Variants in SORCS1 observed in about 807,000 individuals in gnomAD.
The protein encoded by SORCS1 is VPS10 domain-containing receptor SorCS1.
A neutral mutation model predicts 146.1 loss-of-function variants in SORCS1; 60 were observed. The ratio of observed to expected loss-of-function variants is 0.41; its 90% CI spans 0.33 to 0.51. The LOEUF (loss-of-function observed/expected upper bound fraction) is 0.51, where lower values mean the gene tolerates loss of function less well. Among genes scored for constraint, SORCS1 ranks in the 20% least tolerant of loss-of-function variants. SORCS1 has a pLI of 0.21. For missense variants in SORCS1, 1,352 were observed against 1,487.6 expected, an observed-to-expected ratio of 0.91 and a Z score of 1.50; for synonymous variants, 637 against 584.0, an observed-to-expected ratio of 1.09 and a Z score of -1.31.
At position 106,577,130 on chromosome 10, in the gene SORCS1, G is replaced by T; in HGVS notation, c.*290C>A. On this transcript the variant is annotated 3_prime_UTR_variant, in exon 26 of 26. Coordinates refer to ENST00000263054, the MANE Select transcript of SORCS1 (RefSeq NM_052918.5). The stretch of plus-strand genomic sequence containing the variant: ...TGAAGAATTAAAAAGTCCCGATGCA[G>T]TGAGTGTTTGTTTGTTTGTTTGGAT... 4.4e-6 allele frequency: 5 copies of T among 1,146,126 alleles called. No individual in the cohort carries two copies. The Admixed American group carries it at 1.2e-4, about 27-fold the overall frequency. 71.0% of individuals were successfully genotyped at this position (1,146,126 alleles called of 1,614,324 possible).
At chr10:106,637,059 T>C (rs1359178244) in intron 18 of SORCS1, among the ~76,000 whole-genome samples, 1 of 152,206 alleles carries the variant, frequency 6.6e-6, no homozygotes, top group African/African-American at 2.4e-5. Flanking sequence ...AATGGGTTTG[T>C]GAGGATTCCT....
intron 22 of SORCS1, among the ~76,000 whole-genome samples, chr10:106,610,604 T>C (rs1042284476): frequency 3.9e-5 from 6 of 152,164 alleles, no homozygotes; most frequent in African/African-American, 1.4e-4. Context: ...CATCATCTTT[T>C]TGTGTCCTGT....
the SORCS1 span, among the ~76,000 whole-genome samples, chr10:107,176,574 A>C: frequency 2.0e-5 from 3 of 152,018 alleles, no homozygotes; most frequent in African/African-American, 4.8e-5. Context: ...TCCTGGTCTC[A>C]AGCGATCCTC....
chr10:107,164,645 C>A lies in SORCS1; in HGVS notation c.-119G>T, dbSNP rs1384431940. ...CCCCAACTCCATCCAAGTTGCGCCG[C>A]GGTGGGGGCGGGCGGAGGCGGCGCC... is the stretch of plus-strand genomic sequence containing the variant. On this transcript the variant is annotated 5_prime_UTR_variant, in exon 1 of 26. Transcript: ENST00000263054. This position sits in a 1 kb window ranked among gnomAD's most constrained non-coding sequence, Gnocchi z 6.8. 2 of 823,980 alleles carry A rather than the reference C, an allele frequency of 2.4e-6. No individual in the cohort carries two copies. The highest frequency in any genetic ancestry group is 3.3e-6 in the Non-Finnish European group (2 of 613,462). The allele number at this position is 823,980 out of a possible 1,614,324, so 51.0% of individuals were successfully genotyped here. A position where few individuals can be genotyped will look rare whatever the true frequency, so the allele number is the denominator to read the frequency against.
At chr10:106,634,605 A>T (rs1452990135) in intron 18 of SORCS1, among the ~76,000 whole-genome samples, 2 of 152,176 alleles carry the variant, frequency 1.3e-5, no homozygotes, top group Non-Finnish European at 2.9e-5. Context: ...GACCAAGAGG[A>T]AGGTGGTAAC....
At chr10:106,793,822 G>A (rs1021215694) in intron 3 of SORCS1, among the ~76,000 whole-genome samples, 1 of 152,200 alleles carries the variant, frequency 6.6e-6, no homozygotes, top group Admixed American at 6.5e-5. Flanking sequence ...AGCTACTGCT[G>A]AGTCTGACAA....
At chr10:107,176,914 A>C in the SORCS1 span, among the ~76,000 whole-genome samples, 1 of 151,864 alleles carries the variant, frequency 6.6e-6, no homozygotes, top group Non-Finnish European at 1.5e-5. Context: ...AATTTTATTA[A>C]TTTTTTTGGC....
chr10:106,813,262 A>C (rs1323502543), intron 3 of SORCS1, among the ~76,000 whole-genome samples: 1 of 149,774 alleles, frequency 6.7e-6, no homozygotes, highest in African/African-American at 2.5e-5. Flanking sequence ...CCTCCTGAAT[A>C]GCTGAAATTA....
chr10:107,068,656 G>C (rs373777866), intron 1 of SORCS1, among the ~76,000 whole-genome samples: 33 of 152,254 alleles, frequency 2.2e-4, no homozygotes, highest in African/African-American at 7.2e-4. Context: ...CACAAGGTCA[G>C]GAGATCAAGA....
intron 4 of SORCS1, among the ~76,000 whole-genome samples, chr10:106,768,082 G>C (rs546236545): frequency 1.3e-5 from 2 of 152,122 alleles, no homozygotes; most frequent in African/African-American, 4.8e-5. Flanking sequence ...TAAGGTGAAC[G>C]TAGTAGGCCT....
chr10:106,779,660 T>C (rs1420364677), intron 3 of SORCS1, among the ~76,000 whole-genome samples: 1 of 151,882 alleles, frequency 6.6e-6, no homozygotes, highest in African/African-American at 2.4e-5. Context: ...TGGCTAATTT[T>C]TGTATTTTAG....
intron 2 of SORCS1, among the ~76,000 whole-genome samples, chr10:106,911,876 G>A (rs1192729235): frequency 6.6e-6 from 1 of 152,118 alleles, no homozygotes; most frequent in African/African-American, 2.4e-5. Context: ...ACTTTGGGAG[G>A]CTGAGGTGGG....
At chr10:106,778,435 G>A (rs986833352) in intron 3 of SORCS1, among the ~76,000 whole-genome samples, 10 of 152,102 alleles carry the variant, frequency 6.6e-5, no homozygotes, top group African/African-American at 9.6e-5. Context: ...AGCAGACGGC[G>A]TTCCCTCATC....
At chr10:106,865,341 G>A (rs570844884) in intron 2 of SORCS1, among the ~76,000 whole-genome samples, 4 of 152,304 alleles carry the variant, frequency 2.6e-5, no homozygotes, top group South Asian at 2.1e-4. Flanking sequence ...TGCAGCCTTC[G>A]CTGTTGATCC....
chr10:106,889,128 G>A (rs765961955), intron 2 of SORCS1, among the ~76,000 whole-genome samples: 5 of 152,130 alleles, frequency 3.3e-5, no homozygotes, highest in Non-Finnish European at 7.4e-5. Context: ...TACGGGGAAA[G>A]GCAAGTTGTT....
chr10:106,612,430 A>G (rs1847069752), intron 21 of SORCS1, among the ~76,000 whole-genome samples: 1 of 125,340 alleles, frequency 8.0e-6, no homozygotes, highest in Non-Finnish European at 1.6e-5. Context: ...GATACCATCC[A>G]GTTATATGAG....
intron 2 of SORCS1, among the ~76,000 whole-genome samples, chr10:106,953,155 G>A (rs1954778906): frequency 6.9e-6 from 1 of 144,658 alleles, no homozygotes; most frequent in Non-Finnish European, 1.5e-5. Flanking sequence ...GTGTGTGTGT[G>A]TGTGTGTGTG....
At chr10:107,180,623 A>C in the SORCS1 span, among the ~76,000 whole-genome samples, 3 of 151,828 alleles carry the variant, frequency 2.0e-5, no homozygotes, top group Non-Finnish European at 4.4e-5. Context: ...TTTCAACTTC[A>C]TTGATTTCTG....
Position 106,785,981 on chromosome 10 carries a change from C to T in SORCS1, c.727-9289G>A, listed in dbSNP as rs530652897. On this transcript the variant is annotated intron_variant, in intron 3 of 25. Coordinates refer to ENST00000263054, the MANE Select transcript of SORCS1 (RefSeq NM_052918.5). Reference sequence around the variant, plus strand: ...TAATTGACATGTCAGAGCATAATTACATCATCTGCTGCTTTCCTCTCTCTT... The same window carrying T: ...TAATTGACATGTCAGAGCATAATTATATCATCTGCTGCTTTCCTCTCTCTT... Among the ~76,000 whole-genome samples, 4 of 152,324 alleles carry T rather than the reference C, an allele frequency of 2.6e-5. No homozygotes were observed. The East Asian group carries it at 7.7e-4, about 29-fold the overall frequency.
Sources: allele counts gnomAD v4.1 joint callset (sites outside exome capture counted in the v4.1 genomes callset), GRCh38; gene constraint gnomAD v4.1.1; non-coding constraint Gnocchi (gnomAD v3.1); transcripts MANE v1.5; gene names NCBI Gene and HGNC (gene_info 2026-07-23, HGNC 2026-07-21).